FAAH2: variants seen among roughly 807,000 people sequenced by gnomAD.
FAAH2 encodes fatty acid amide hydrolase 2, also known as fatty-acid amide hydrolase 2.
Under a neutral mutation model 36.9 loss-of-function variants are expected in FAAH2, and 60 were observed. That is an observed-to-expected ratio of 1.63 (90% CI 1.32 to 2.02). The LOEUF is 2.02. FAAH2 is among the 30% of genes most tolerant of loss of function. The pLI, the probability that FAAH2 is intolerant of heterozygous loss-of-function variation, is 0.00. For synonymous variants in FAAH2, 214 were observed against 143.8 expected, an observed-to-expected ratio of 1.49 and a Z score of -3.49; for missense variants, 689 against 397.5, an observed-to-expected ratio of 1.73 and a Z score of -6.23.
chrX:57,176,995 C>T, the FAAH2 span, among the ~76,000 whole-genome samples: 1 of 110,229 alleles, frequency 9.1e-6, no homozygotes, highest in Middle Eastern at 4.6e-3. Context: ...TTATCTTGTT[C>T]CCCCAGTAGT....
At chrX:57,461,145 T>TAA (rs34905766) in intron 10 of FAAH2, among the ~76,000 whole-genome samples, 45 of 101,492 alleles carry the variant, frequency 4.4e-4, no homozygotes, top group South Asian at 1.8e-3. Flanking sequence ...ACCAGATTAA[T>TAA]AAAAAAAAAA....
chrX:57,182,901 T>C, the FAAH2 span, among the ~76,000 whole-genome samples: 1 of 111,190 alleles, frequency 9.0e-6, no homozygotes, highest in African/African-American at 3.3e-5. Context: ...GGTACATAGT[T>C]GGAGCTGGAG....
chrX:57,398,902 G>A (rs1043757246), intron 7 of FAAH2, among the ~76,000 whole-genome samples: 4 of 111,309 alleles, frequency 3.6e-5, no homozygotes, highest in African/African-American at 9.8e-5. Context: ...CCTCTCAACA[G>A]GAAAACCCAA....
chrX:57,178,132 G>A, the FAAH2 span, among the ~76,000 whole-genome samples: 1 of 111,447 alleles, frequency 9.0e-6, no homozygotes, highest in Non-Finnish European at 1.9e-5. Flanking sequence ...CCCAGCACCG[G>A]CCCTGATGGG....
chrX:57,454,721 G>C (rs2056838756), intron 10 of FAAH2, among the ~76,000 whole-genome samples: 1 of 111,676 alleles, frequency 9.0e-6, no homozygotes, highest in Non-Finnish European at 1.9e-5. Context: ...TGGAAGACCA[G>C]CTTATACAAT....
intron 10 of FAAH2, among the ~76,000 whole-genome samples, chrX:57,486,441 A>G (rs1216342688): frequency 8.9e-6 from 1 of 111,870 alleles, no homozygotes; most frequent in East Asian, 2.8e-4. Context: ...TAGGGACTTC[A>G]GCTAAGCAAA....
At chrX:57,199,262 A>G in the FAAH2 span, among the ~76,000 whole-genome samples, 7 of 110,511 alleles carry the variant, frequency 6.3e-5, no homozygotes, top group Admixed American at 5.7e-4. Context: ...GCTGTATCCC[A>G]TAGGTCTTGG....
At chrX:57,359,678 C>A (rs1315065940) in intron 5 of FAAH2, among the ~76,000 whole-genome samples, 2 of 111,398 alleles carry the variant, frequency 1.8e-5, no homozygotes, top group East Asian at 2.8e-4. Flanking sequence ...ATGTTTTTGT[C>A]CTTTAATCTC....
intron 5 of FAAH2, among the ~76,000 whole-genome samples, chrX:57,342,755 T>C (rs1367259235): frequency 2.7e-5 from 3 of 111,065 alleles, no homozygotes; most frequent in Admixed American, 9.6e-5. Context: ...TAGGTAGTTT[T>C]TTGATCCTTG....
chrX:57,267,718 C>T, the FAAH2 span, among the ~76,000 whole-genome samples: 75 of 112,231 alleles, frequency 6.7e-4, no homozygotes, highest in Admixed American at 1.5e-3. Flanking sequence ...TTACAGCACG[C>T]AGCCCAGAAG....
At chrX:57,434,815 G>A (rs1037005934) in intron 8 of FAAH2, among the ~76,000 whole-genome samples, 2 of 111,076 alleles carry the variant, frequency 1.8e-5, no homozygotes, top group African/African-American at 3.3e-5. Context: ...ATTGCAAAAG[G>A]CATATTAAAT....
At chrX:57,311,147 A>G (rs1260219349) in intron 3 of FAAH2, among the ~76,000 whole-genome samples, 1 of 112,119 alleles carries the variant, frequency 8.9e-6, no homozygotes, top group Non-Finnish European at 1.9e-5. Context: ...AAAATCCCAA[A>G]TATTTGGAAA....
chrX:57,351,729 CAG>C (rs1252150317), intron 5 of FAAH2, among the ~76,000 whole-genome samples: 3 of 108,038 alleles, frequency 2.8e-5, no homozygotes, highest in Non-Finnish European at 5.8e-5. Context: ...CTATCAGAAA[CAG>C]ATACATTTCT....
At chrX:57,302,732 T>C (rs1464029327) in intron 2 of FAAH2, among the ~76,000 whole-genome samples, 1 of 111,252 alleles carries the variant, frequency 9.0e-6, no homozygotes, top group African/African-American at 3.3e-5. Flanking sequence ...GATTTCAAGA[T>C]ATATAGATTT....
At chrX:57,256,480 A>G in the FAAH2 span, among the ~76,000 whole-genome samples, 3 of 111,836 alleles carry the variant, frequency 2.7e-5, no homozygotes, top group Admixed American at 9.5e-5. Flanking sequence ...CTTGGGCAAA[A>G]AGAAAAAAGT....
intron 10 of FAAH2, among the ~76,000 whole-genome samples, chrX:57,456,329 A>T (rs2056865576): frequency 8.9e-6 from 1 of 111,872 alleles, no homozygotes; most frequent in Non-Finnish European, 1.9e-5. Flanking sequence ...AGTGCTAAAC[A>T]CCTTCATCAA....
At chrX:57,204,168 C>A in the FAAH2 span, among the ~76,000 whole-genome samples, 1 of 111,257 alleles carries the variant, frequency 9.0e-6, no homozygotes, top group Non-Finnish European at 1.9e-5. Flanking sequence ...GCAATGCAAT[C>A]TTCCCAAACA....
At chrX:57,248,700 C>A in the FAAH2 span, among the ~76,000 whole-genome samples, 216 of 92,079 alleles carry the variant, frequency 2.3e-3, 1 homozygote, top group African/African-American at 9.1e-3. Context: ...TTATGGTGAG[C>A]CAAGATCACG....
At chrX:57,177,428 A>C in the FAAH2 span, among the ~76,000 whole-genome samples, 11 of 106,111 alleles carry the variant, frequency 1.0e-4, no homozygotes, top group South Asian at 4.7e-3. Flanking sequence ...GGAGTGTTTC[A>C]GAAAGTCTGT....
Sources: gnomAD v4.1 joint callset for allele counts (sites outside exome capture counted in the v4.1 genomes callset) on GRCh38, gnomAD v4.1.1 for gene constraint, MANE v1.5 for transcripts, NCBI Gene and HGNC (gene_info 2026-07-23, HGNC 2026-07-21) for gene names.